The following GPAT3 variants were observed in gnomAD, a reference collection of about 807,000 sequenced individuals.
GPAT3 encodes the protein 1-AGP acyltransferase 9.
A neutral mutation model predicts 58.8 loss-of-function variants in GPAT3; 53 were observed. The ratio of observed to expected loss-of-function variants is 0.90; its 90% CI spans 0.72 to 1.13. GPAT3 has a LOEUF of 1.13. GPAT3 is among the 50% of genes most tolerant of loss of function. GPAT3 has a pLI of 0.00. For missense variants in GPAT3, 511 were observed against 527.6 expected, an observed-to-expected ratio of 0.97 and a Z score of 0.31; for synonymous variants, 197 against 187.4, an observed-to-expected ratio of 1.05 and a Z score of -0.42.
At chr4:83,570,319 G>A (rs1476176597) in intron 2 of GPAT3, among the ~76,000 whole-genome samples, 5 of 152,150 alleles carry the variant, frequency 3.3e-5, no homozygotes, top group Non-Finnish European at 7.3e-5. Flanking sequence ...AAGTGTAGGT[G>A]TCAAGGGTTT....
intron 2 of GPAT3, among the ~76,000 whole-genome samples, chr4:83,578,960 CTT>C (rs1238054368): frequency 1.6e-4 from 14 of 85,650 alleles, no homozygotes; most frequent in Non-Finnish European, 2.2e-4. Context: ...TTCTTTCTTT[CTT>C]TCTTTCTTTC....
chr4:83,562,225 A>AAT (rs1553944929), intron 2 of GPAT3, among the ~76,000 whole-genome samples: 95 of 61,404 alleles, frequency 1.5e-3, no homozygotes, highest in Middle Eastern at 7.5e-3. Flanking sequence ...ATATATATAT[A>AAT]ATATATATAT....
chr4:83,590,082 G>T, intron 5 of GPAT3, 117 bp from the exon 6 acceptor site: 1 of 827,282 alleles, frequency 1.2e-6, no homozygotes. Flanking sequence ...AACAGAGTGA[G>T]ACGCGAAAAA....
upstream of GPAT3, chr4:83,535,700 G>A (rs189122138): frequency 1.6e-3 from 1,529 of 985,398 alleles, 2 homozygotes; most frequent in Middle Eastern, 4.7e-3. Flanking sequence ...CTACTCTCGG[G>A]ATAAGCAAGA....
intron 2 of GPAT3, among the ~76,000 whole-genome samples, chr4:83,577,678 G>A (rs368199054): frequency 1.3e-5 from 2 of 151,658 alleles, no homozygotes; most frequent in African/African-American, 4.8e-5. Flanking sequence ...GGAATTGCTA[G>A]GTCATAGGCT....
intron 4 of GPAT3, 60 bp downstream of exon 4, chr4:83,587,389 A>G (rs1726416696): frequency 7.1e-7 from 1 of 1,403,208 alleles, no homozygotes; most frequent in Non-Finnish European, 9.9e-7. Flanking sequence ...AGCTGTGTCC[A>G]CAAAGAGAAT....
In GPAT3 at chr4:83,589,938, A is replaced by T. The variant is rs1001773132; in HGVS notation, c.645-261A>T. On this transcript the variant is annotated intron_variant, in intron 5 of 11. Transcript: ENST00000264409. The stretch of plus-strand genomic sequence containing the variant: ...GAAACCTCATCTCTGCTAAAAATAT[A>T]AAAATTAGCTGGGCCTGATGGCACA... 3.3e-5 allele frequency among the ~76,000 whole-genome samples: 5 copies of T among 152,116 alleles called. No individual in the cohort carries two copies. In the South Asian group the frequency reaches 8.3e-4, roughly 25 times the overall value.
chr4:83,540,782 C>T (rs538180555), intron 1 of GPAT3, among the ~76,000 whole-genome samples: 48 of 152,230 alleles, frequency 3.2e-4, no homozygotes, highest in African/African-American at 1.1e-3. Flanking sequence ...CTCCCCCTCC[C>T]GGATTCAAGT....
At chr4:83,543,276 T>C (rs1218848481) in intron 1 of GPAT3, among the ~76,000 whole-genome samples, 3 of 152,120 alleles carry the variant, frequency 2.0e-5, no homozygotes, top group Admixed American at 2.0e-4. Context: ...AAATTTTGTC[T>C]CTGCCCCTTC....
chr4:83,577,788 CTTTT>C (rs1185047521), intron 2 of GPAT3, among the ~76,000 whole-genome samples: 10 of 66,686 alleles, frequency 1.5e-4, no homozygotes, highest in Admixed American at 1.0e-3. Context: ...GTCATTGTGG[CTTTT>C]TTTTTTTTTT....
intron 9 of GPAT3, 51 bp downstream of exon 9, chr4:83,597,566 TG>T: frequency 7.8e-7 from 1 of 1,276,244 alleles, no homozygotes; most frequent in Non-Finnish European, 1.1e-6. Flanking sequence ...GATATTGGAT[TG>T]GTAATTTTAT....
In GPAT3 at chr4:83,545,603, G is replaced by A. The variant is rs148931027; in HGVS notation, c.208+1001G>A. Among the ~76,000 whole-genome samples the A allele has an allele frequency of 4.0e-3, 605 of 152,268 alleles. 4 individuals carry two copies. The highest frequency in any genetic ancestry group is 0.014 in the African/African-American group (563 of 41,546). ...GAGTATTTTTGTATAATTGGATTAT[G>A]ATTTTCAAATGATTGAAGCAACTAG... On this transcript the variant is annotated intron_variant, in intron 2 of 11. Transcript: ENST00000264409.
intron 2 of GPAT3, among the ~76,000 whole-genome samples, chr4:83,562,214 T>TATATATAATATATATATAATATATATATA: frequency 1.3e-5 from 1 of 77,118 alleles, no homozygotes; most frequent in African/African-American, 6.0e-5. Flanking sequence ...ATATATATTA[T>TATATATAATATATATATAATATATATATA]ATATATATAT....
chr4:83,582,161 C>G (rs537729383), intron 3 of GPAT3, among the ~76,000 whole-genome samples: 1 of 152,334 alleles, frequency 6.6e-6, no homozygotes, highest in East Asian at 1.9e-4. Context: ...GAGAGATCAT[C>G]AACAGTTTCA....
intron 2 of GPAT3, among the ~76,000 whole-genome samples, chr4:83,551,740 C>T (rs949176118): frequency 9.0e-5 from 13 of 143,822 alleles, no homozygotes; most frequent in South Asian, 2.2e-4. Flanking sequence ...TGTAGTGAGC[C>T]GAGATTGCAC....
At chr4:83,539,961 C>T (rs778115953) in intron 1 of GPAT3, among the ~76,000 whole-genome samples, 37 of 152,012 alleles carry the variant, frequency 2.4e-4, no homozygotes, top group Admixed American at 1.3e-3. Context: ...AATTTGAGAC[C>T]GGCCTAGCCA....
At chr4:83,556,005 C>G (rs1724926454) in intron 2 of GPAT3, among the ~76,000 whole-genome samples, 1 of 152,132 alleles carries the variant, frequency 6.6e-6, no homozygotes, top group South Asian at 2.1e-4. Flanking sequence ...TACCAGGAAG[C>G]TCCTAACAGT....
At chr4:83,583,303 A>G (rs917455349) in intron 3 of GPAT3, among the ~76,000 whole-genome samples, 9 of 151,866 alleles carry the variant, frequency 5.9e-5, no homozygotes, top group Non-Finnish European at 1.2e-4. Flanking sequence ...CAAAAAAAAA[A>G]GAAAGAAAGA....
chr4:83,544,641 A>G, intron 2 of GPAT3, 39 bp downstream of exon 2: 2 of 1,596,380 alleles, frequency 1.3e-6, no homozygotes, highest in Non-Finnish European at 1.7e-6. Flanking sequence ...ACCATATTTA[A>G]ATTGGGTGGA....
Sources: allele counts gnomAD v4.1 joint callset (sites outside exome capture counted in the v4.1 genomes callset), GRCh38; gene constraint gnomAD v4.1.1; transcripts MANE v1.5; gene names NCBI Gene and HGNC (gene_info 2026-07-23, HGNC 2026-07-21).